The following PLAAT1 variants were observed in gnomAD, a reference collection of about 807,000 sequenced individuals.
PLAAT1 encodes the protein H-REV107 protein-related protein.
In PLAAT1, 13 loss-of-function variants were observed where a neutral mutation model predicts 16.4. The observed-to-expected ratio is 0.79, with a 90% CI of 0.52 to 1.26. PLAAT1 has a LOEUF of 1.26. Ranked by LOEUF, PLAAT1 falls within the 50% of genes most tolerant of loss-of-function variation. The pLI is 0.00. For synonymous variants in PLAAT1, 73 were observed against 78.4 expected, an observed-to-expected ratio of 0.93 and a Z score of 0.36; for missense variants, 218 against 207.8, an observed-to-expected ratio of 1.05 and a Z score of -0.30.
At chr3:193,270,574 GT>G (rs776267419) in intron 3 of PLAAT1, 29 bp from the exon 4 acceptor site, 1 of 1,601,886 alleles carries the variant, frequency 6.2e-7, no homozygotes, top group East Asian at 2.2e-5. Flanking sequence ...AATATGATGT[GT>G]TTTTTGTTTA....
intron 1 of PLAAT1, among the ~76,000 whole-genome samples, chr3:193,242,342 C>T (rs576965597): frequency 7.9e-5 from 12 of 151,894 alleles, no homozygotes; most frequent in Admixed American, 7.9e-4. Flanking sequence ...TAGATGGATG[C>T]CTGTGGAAGC....
chr3:193,245,404 T>C (rs1328880600), intron 1 of PLAAT1, among the ~76,000 whole-genome samples: 1 of 152,246 alleles, frequency 6.6e-6, no homozygotes, highest in African/African-American at 2.4e-5. Flanking sequence ...GTTATTTCAA[T>C]GTGTATATGT....
At chr3:193,279,432 T>C, downstream of PLAAT1, 1 of 1,613,784 alleles carries the variant, frequency 6.2e-7, no homozygotes, top group South Asian at 1.1e-5. Context: ...CCAAGGCAGC[T>C]AGCAGCAGAA....
chr3:193,263,551 A>T (rs1387049511), intron 3 of PLAAT1, among the ~76,000 whole-genome samples: 1 of 152,186 alleles, frequency 6.6e-6, no homozygotes. Flanking sequence ...GTGATCTCAT[A>T]TACTGAAAAG....
chr3:193,243,538 C>T (rs1455740720), intron 1 of PLAAT1, among the ~76,000 whole-genome samples: 1 of 152,160 alleles, frequency 6.6e-6, no homozygotes, highest in Non-Finnish European at 1.5e-5. Context: ...TATTTGCATG[C>T]TTTTGCAGCT....
intron 2 of PLAAT1, among the ~76,000 whole-genome samples, chr3:193,256,160 T>C (rs1428864128): frequency 1.3e-5 from 2 of 152,206 alleles, no homozygotes; most frequent in African/African-American, 4.8e-5. Flanking sequence ...TGAATGCTAT[T>C]CTAAGTGCTG....
downstream of PLAAT1, among the ~76,000 whole-genome samples, chr3:193,272,518 A>C (rs1018024929): frequency 1.3e-5 from 2 of 152,198 alleles, no homozygotes; most frequent in African/African-American, 4.8e-5. Context: ...TGGCAGTAGC[A>C]TAATGTGTTA....
At chr3:193,258,330 A>G (rs9881557) in intron 2 of PLAAT1, among the ~76,000 whole-genome samples, 61,243 of 151,994 alleles carry the variant, frequency 0.4, 13,420 homozygotes, top group Non-Finnish European at 0.48. Flanking sequence ...CAGATTAACA[A>G]CCTAATATTG....
At chr3:193,275,089 T>A (rs7428010), downstream of PLAAT1, 1 of 1,614,218 alleles carries the variant, frequency 6.2e-7, no homozygotes. Flanking sequence ...CCTCCCAATT[T>A]GAGTTTTCTT....
chr3:193,274,057 A>G (rs1187040958), downstream of PLAAT1, among the ~76,000 whole-genome samples: 1 of 152,142 alleles, frequency 6.6e-6, no homozygotes, highest in Non-Finnish European at 1.5e-5. Flanking sequence ...CAGCCTGGAC[A>G]ACATGGTGAA....
intron 3 of PLAAT1, among the ~76,000 whole-genome samples, chr3:193,269,786 A>G (rs1000219075): frequency 2.0e-5 from 3 of 152,162 alleles, no homozygotes; most frequent in African/African-American, 7.2e-5. Context: ...ATGGAAGGCA[A>G]TATTAGTTGA....
At chr3:193,253,083 G>T (rs1716253520) in intron 1 of PLAAT1, among the ~76,000 whole-genome samples, 1 of 152,108 alleles carries the variant, frequency 6.6e-6, no homozygotes, top group Admixed American at 6.6e-5. Flanking sequence ...GGTACCCACT[G>T]CTGCAAACAA....
chr3:193,278,050 C>A (rs985192946), downstream of PLAAT1, among the ~76,000 whole-genome samples: 1 of 152,114 alleles, frequency 6.6e-6, no homozygotes, highest in Non-Finnish European at 1.5e-5. Flanking sequence ...GTGATCCACC[C>A]GCCTTGGCCT....
At chr3:193,251,952 A>G (rs1185041294) in intron 1 of PLAAT1, among the ~76,000 whole-genome samples, 1 of 152,128 alleles carries the variant, frequency 6.6e-6, no homozygotes. Context: ...CTAATGACTA[A>G]TGGCTTCCTT....
At chr3:193,250,745 C>T (rs1361698270) in intron 1 of PLAAT1, among the ~76,000 whole-genome samples, 1 of 152,096 alleles carries the variant, frequency 6.6e-6, no homozygotes, top group East Asian at 1.9e-4. Flanking sequence ...AACTTCTGGT[C>T]TAGAGTTATT....
intron 1 of PLAAT1, among the ~76,000 whole-genome samples, chr3:193,253,152 G>A (rs1716255914): frequency 6.6e-6 from 1 of 152,172 alleles, no homozygotes; most frequent in African/African-American, 2.4e-5. Flanking sequence ...CCCTTGCTAT[G>A]ATTCTAAGTG....
chr3:193,254,598 T>A (rs534359808), intron 1 of PLAAT1, among the ~76,000 whole-genome samples: 1 of 152,192 alleles, frequency 6.6e-6, no homozygotes, highest in Non-Finnish European at 1.5e-5. Context: ...CAGATACTTA[T>A]GTATTCTTTC....
upstream of PLAAT1, among the ~76,000 whole-genome samples, chr3:193,240,835 T>C (rs1034361090): frequency 1.3e-5 from 2 of 152,108 alleles, no homozygotes; most frequent in African/African-American, 2.4e-5. Context: ...CCATGATTCC[T>C]TGGGCCCTAA....
chr3:193,260,498 T>A (rs890308274), intron 2 of PLAAT1, among the ~76,000 whole-genome samples: 22 of 152,122 alleles, frequency 1.4e-4, no homozygotes, highest in Admixed American at 1.3e-4. Flanking sequence ...TTTAAATTAA[T>A]CAACATGTAA....
Sources: gnomAD v4.1 joint callset for allele counts (sites outside exome capture counted in the v4.1 genomes callset) on GRCh38, gnomAD v4.1.1 for gene constraint, MANE v1.5 for transcripts, NCBI Gene and HGNC (gene_info 2026-07-23, HGNC 2026-07-21) for gene names.